STK17B: variants seen among roughly 807,000 people sequenced by gnomAD.
The protein encoded by STK17B is serine/threonine-protein kinase 17B.
In STK17B, 21 loss-of-function variants were observed where a neutral mutation model predicts 42.0. That is an observed-to-expected ratio of 0.50 (90% confidence interval 0.35 to 0.72). STK17B has a LOEUF of 0.72. Ranked by LOEUF, STK17B falls within the 30% of genes least tolerant of loss-of-function variation. The pLI is 0.00. For missense variants in STK17B, 349 were observed against 446.0 expected, an observed-to-expected ratio of 0.78 and a Z score of 1.96; for synonymous variants, 143 against 148.4, an observed-to-expected ratio of 0.96 and a Z score of 0.26.
chr2:196,140,920 C>A (rs759985385), intron 6 of STK17B, among the ~76,000 whole-genome samples: 17 of 152,158 alleles, frequency 1.1e-4, no homozygotes, highest in Non-Finnish European at 2.4e-4. Flanking sequence ...CGGCAATGGA[C>A]TGTCTGCTGC....
chr2:196,175,092 A>C (rs1446039073), upstream of STK17B, among the ~76,000 whole-genome samples: 4 of 151,706 alleles, frequency 2.6e-5, no homozygotes, highest in Non-Finnish European at 5.9e-5. Context: ...TAATTTTAAC[A>C]ATTTATTTTA....
At chr2:196,141,921 A>T (rs984986722) in intron 5 of STK17B, among the ~76,000 whole-genome samples, 14 of 19,974 alleles carry the variant, frequency 7.0e-4, no homozygotes, top group East Asian at 0.019. Flanking sequence ...CTAGAATTTA[A>T]AAAAAAAATT....
chr2:196,175,296 A>G (rs566456120), upstream of STK17B, among the ~76,000 whole-genome samples: 1 of 152,206 alleles, frequency 6.6e-6, no homozygotes, highest in Non-Finnish European at 1.5e-5. Flanking sequence ...CTGTTGCAAA[A>G]AGCAGATTCA....
At chr2:196,139,867 A>C in intron 6 of STK17B, 68 bp from the exon 7 acceptor site, 4 of 1,153,364 alleles carry the variant, frequency 3.5e-6, no homozygotes, top group Non-Finnish European at 3.4e-6. Flanking sequence ...AGTACAATCG[A>C]CATTCAACAT....
At chr2:196,154,033 C>G (rs2105699019) in intron 3 of STK17B, 1 of 152,192 alleles carries the variant, frequency 6.6e-6, no homozygotes, top group East Asian at 1.9e-4. Flanking sequence ...GTCAGGAGAT[C>G]AAGACATATT....
intron 2 of STK17B, among the ~76,000 whole-genome samples, chr2:196,157,561 G>C (rs1368305510): frequency 6.6e-6 from 1 of 152,114 alleles, no homozygotes; most frequent in African/African-American, 2.4e-5. Flanking sequence ...ATGCTCAGTA[G>C]TCTTTGAAGC....
At chr2:196,172,086 T>C (rs1040176232), upstream of STK17B, among the ~76,000 whole-genome samples, 7 of 152,222 alleles carry the variant, frequency 4.6e-5, no homozygotes, top group African/African-American at 1.7e-4. Flanking sequence ...CCCAGTTTGC[T>C]ACAACTTGGC....
At chr2:196,159,885 T>C (rs1699789475) in intron 2 of STK17B, among the ~76,000 whole-genome samples, 1 of 152,266 alleles carries the variant, frequency 6.6e-6, no homozygotes, top group East Asian at 1.9e-4. Flanking sequence ...GTACTTAAAG[T>C]GTTTGTATTT....
intron 2 of STK17B, among the ~76,000 whole-genome samples, chr2:196,161,258 T>C (rs1699808348): frequency 6.7e-6 from 1 of 150,114 alleles, no homozygotes; most frequent in Non-Finnish European, 1.5e-5. Context: ...TATGGTTCAA[T>C]GTGAGATACA....
chr2:196,139,681 A>G lies in STK17B; in HGVS notation c.775T>C (p.Phe259Leu). The G allele has an allele frequency of 6.8e-7, 1 of 1,473,818 alleles. No homozygotes were observed. Among genetic ancestry groups the G allele is most frequent in the Non-Finnish European group, 9.0e-7 (1 of 1,109,484 alleles). The allele number at this position is 1,473,818 out of a possible 1,614,324, so 91.3% of individuals were successfully genotyped here. The change falls in exon 7 of 8, where the codon TTT (phenylalanine) becomes CTT (leucine). Residue 259 changes from phenylalanine to leucine, a missense_variant. Transcript: ENST00000263955. ...QVNVDYSEET[F>L]SSVSQLATDF... The stretch of plus-strand genomic sequence containing the variant: ...GTGGCCAGCTGTGAAACTGATGAAA[A>G]AGTTTCTTCCGAATAATCTACATTA...
intron 3 of STK17B, among the ~76,000 whole-genome samples, chr2:196,147,498 T>C (rs749673775): frequency 6.6e-6 from 1 of 152,154 alleles, no homozygotes; most frequent in African/African-American, 2.4e-5. Flanking sequence ...CAGTCCCAAG[T>C]TGAAAGTCAC....
At position 196,162,499 on chromosome 2, in the gene STK17B, C is replaced by A. The variant is rs149710107; in HGVS notation, c.122+763G>T. 8.4e-3 allele frequency among the ~76,000 whole-genome samples: 1,269 copies of A among 151,182 alleles called. 22 individuals are homozygous for A. Among genetic ancestry groups the A allele is most frequent in the African/African-American group, 0.029 (1,183 of 41,084 alleles). ...TAACAAAAACTTACAGAGCACTGTA[C>A]TAGGCACTTTACAAATATTAACTAA... On this transcript the variant is annotated intron_variant, in intron 2 of 7. Transcript: ENST00000263955.
chr2:196,164,125 A>G (rs545133715), intron 1 of STK17B, among the ~76,000 whole-genome samples: 1 of 152,282 alleles, frequency 6.6e-6, no homozygotes, highest in African/African-American at 2.4e-5. Context: ...GATAATAATT[A>G]TTCATTTTAA....
intron 4 of STK17B, among the ~76,000 whole-genome samples, chr2:196,145,284 T>A (rs956271235): frequency 6.6e-6 from 1 of 151,922 alleles, no homozygotes; most frequent in African/African-American, 2.4e-5. Flanking sequence ...CAAAGGGTCA[T>A]GCAAGGACAC....
chr2:196,148,697 A>T (rs1023953166), intron 3 of STK17B, among the ~76,000 whole-genome samples: 1 of 152,208 alleles, frequency 6.6e-6, no homozygotes, highest in Non-Finnish European at 1.5e-5. Flanking sequence ...CAGCAACATA[A>T]ATTGTTTAGG....
intron 7 of STK17B, among the ~76,000 whole-genome samples, chr2:196,138,159 T>G (rs1699435258): frequency 6.6e-6 from 1 of 152,228 alleles, no homozygotes; most frequent in African/African-American, 2.4e-5. Context: ...TAAAATTGTT[T>G]TCTCATTCCC....
At chr2:196,167,516 G>A (rs1416531670) in intron 1 of STK17B, among the ~76,000 whole-genome samples, 1 of 152,146 alleles carries the variant, frequency 6.6e-6, no homozygotes, top group African/African-American at 2.4e-5. Flanking sequence ...TCAGCATTTG[G>A]ACAAATAAAG....
At chr2:196,172,795 G>A (rs561169391), upstream of STK17B, among the ~76,000 whole-genome samples, 62 of 152,300 alleles carry the variant, frequency 4.1e-4, no homozygotes, top group African/African-American at 1.3e-3. Flanking sequence ...CAATTGGGCT[G>A]ACTAGAGAAG....
At chr2:196,161,829 C>T (rs757610026) in intron 2 of STK17B, among the ~76,000 whole-genome samples, 74 of 151,932 alleles carry the variant, frequency 4.9e-4, no homozygotes, top group Non-Finnish European at 7.4e-4. Context: ...TATTATAATT[C>T]TTATTTTGCA....
Sources: gnomAD v4.1 joint callset for allele counts (sites outside exome capture counted in the v4.1 genomes callset) on GRCh38, gnomAD v4.1.1 for gene constraint, MANE v1.5 for transcripts, NCBI Gene and HGNC (gene_info 2026-07-23, HGNC 2026-07-21) for gene names.